The following ZNF280C variants were observed in gnomAD, a reference collection of about 807,000 sequenced individuals.
The protein encoded by ZNF280C is zinc finger protein 280C.
A neutral mutation model predicts 53.6 loss-of-function variants in ZNF280C; 14 were observed. The observed-to-expected ratio is 0.26, with a 90% CI of 0.17 to 0.41. ZNF280C has a LOEUF of 0.41. ZNF280C is among the 10% of genes least tolerant of loss of function. The pLI is 1.00. For missense variants in ZNF280C, 416 were observed against 547.1 expected (o/e 0.76, Z 2.39); for synonymous variants, 203 against 181.1 (o/e 1.12, Z -0.97).
chrX:130,268,492 G>GCCGCGGCCCGCGAAA (rs34755187), intron 1 of ZNF280C, among the ~76,000 whole-genome samples: 1 of 111,931 alleles, frequency 8.9e-6, no homozygotes, highest in Non-Finnish European at 1.9e-5. Flanking sequence ...TGCCGCAGCT[G>GCCGCGGCCCGCGAAA]CCGCGGCCCG....
At chrX:130,262,683 G>A (rs1385926091) in intron 1 of ZNF280C, among the ~76,000 whole-genome samples, 2 of 111,383 alleles carry the variant, frequency 1.8e-5, no homozygotes, top group African/African-American at 6.5e-5. Flanking sequence ...GGCACAAGAG[G>A]AAAGAACACC....
chrX:130,206,363 T>TG (rs1482139962), intron 16 of ZNF280C, among the ~76,000 whole-genome samples: 2 of 91,516 alleles, frequency 2.2e-5, no homozygotes, highest in East Asian at 6.8e-4. Flanking sequence ...CTTCTTTAGT[T>TG]TTTTTTTTTT....
Position 130,243,625 on chromosome X carries a change from T to C in ZNF280C, c.319A>G (p.Arg107Gly), listed in dbSNP as rs1234070340. The stretch of plus-strand genomic sequence containing the variant: ...GAAGATTTAGATACAAGATGAAATC[T>C]AGGCGAGGCAGCCACTGGATTTGAT... ...PPSNPVAASP[R>G]FHLVSKSSQS... The change falls in exon 5 of 19, where the codon AGA (arginine) becomes GGA (glycine). Residue 107 changes from arginine to glycine, a missense_variant. By Grantham distance (125) the Arg-to-Gly change is moderately radical (BLOSUM62 -2). Coordinates refer to ENST00000370978, the MANE Select transcript of ZNF280C (RefSeq NM_017666.5). 3 of 1,210,933 alleles carry C rather than the reference T, an allele frequency of 2.5e-6. No individual in the cohort carries two copies. Among genetic ancestry groups the C allele is most frequent in the Non-Finnish European group, 3.4e-6 (3 of 894,546 alleles).
At chrX:130,206,361 G>GTTTTTTTTTTTTTT (rs1048503644) in intron 16 of ZNF280C, among the ~76,000 whole-genome samples, 2 of 73,484 alleles carry the variant, frequency 2.7e-5, no homozygotes, top group Non-Finnish European at 2.5e-5. Flanking sequence ...GACTTCTTTA[G>GTTTTTTTTTTTTTT]TTTTTTTTTT....
rs2032087638 is a variant in ZNF280C at position 130,215,312 on chromosome X, C to T, written c.1860G>A (p.Lys620=). 1.7e-6 allele frequency: 2 copies of T among 1,196,980 alleles called. No homozygotes were observed. The highest frequency in any genetic ancestry group is 2.3e-6 in the Non-Finnish European group (2 of 888,818). Residue 620 remains lysine (K), a synonymous_variant, in exon 15 of 19, where the codon AAG becomes AAA. Coordinates refer to ENST00000370978, the MANE Select transcript of ZNF280C (RefSeq NM_017666.5). ...TTATTTTGGAATGACATTCAATGCA[C>T]TTGTGAATTCCCCGACGACACCTTA... The part of the protein sequence containing the change: ...KNIRCRRGIH[K]CIECHSKIKD...
intron 4 of ZNF280C, 31 bp from the exon 5 acceptor site, chrX:130,243,730 T>C: frequency 1.7e-6 from 2 of 1,176,119 alleles, no homozygotes; most frequent in South Asian, 1.9e-5. Context: ...ACATATTGAA[T>C]ATATTTCTAT....
At chrX:130,231,386 A>G (rs1022803346) in intron 8 of ZNF280C, among the ~76,000 whole-genome samples, 2 of 112,498 alleles carry the variant, frequency 1.8e-5, no homozygotes, top group African/African-American at 6.5e-5. Flanking sequence ...GCCATAAAAA[A>G]GAATGAAATA....
intron 16 of ZNF280C, among the ~76,000 whole-genome samples, chrX:130,206,352 ACTT>A (rs72282598): frequency 0.016 from 1,629 of 104,598 alleles, 40 homozygotes; most frequent in African/African-American, 0.054. Flanking sequence ...CCTTGGATTG[ACTT>A]CTTTAGTTTT....
chrX:130,266,772 C>G (rs1418339220), intron 1 of ZNF280C, among the ~76,000 whole-genome samples: 1 of 111,357 alleles, frequency 9.0e-6, no homozygotes, highest in Non-Finnish European at 1.9e-5. Flanking sequence ...GTACAGAGCA[C>G]TGGGAAAAAA....
intron 12 of ZNF280C, among the ~76,000 whole-genome samples, chrX:130,224,582 T>G (rs1383891608): frequency 9.0e-6 from 1 of 111,531 alleles, no homozygotes; most frequent in Non-Finnish European, 1.9e-5. Context: ...CTGGATAGCT[T>G]CTAGAGGATT....
chrX:130,267,733 C>G (rs2032705131), intron 1 of ZNF280C, among the ~76,000 whole-genome samples: 1 of 111,969 alleles, frequency 8.9e-6, no homozygotes, highest in Non-Finnish European at 1.9e-5. Context: ...AACCCCCAAA[C>G]CAGGACACCT....
intron 2 of ZNF280C, among the ~76,000 whole-genome samples, chrX:130,249,576 T>C (rs2032486248): frequency 9.0e-6 from 1 of 111,709 alleles, no homozygotes; most frequent in African/African-American, 3.3e-5. Flanking sequence ...CCCTAAAATC[T>C]TCTAGAAATG....
intron 10 of ZNF280C, 59 bp from the exon 11 acceptor site, chrX:130,227,841 T>C: frequency 1.6e-6 from 1 of 629,572 alleles, no homozygotes; most frequent in Non-Finnish European, 2.6e-6. Context: ...AAAGATTCAT[T>C]TTGTACATCC....
chrX:130,254,130 T>C (rs948267654), intron 2 of ZNF280C, among the ~76,000 whole-genome samples: 1 of 111,960 alleles, frequency 8.9e-6, no homozygotes, highest in Non-Finnish European at 1.9e-5. Flanking sequence ...GAAGAAGACA[T>C]ACATGCAGGC....
At position 130,204,109 on chromosome X, in the gene ZNF280C, ACCTTGG is replaced by A. The variant is rs1210569978; in HGVS notation, c.*862_*867del. On this transcript the variant is annotated 3_prime_UTR_variant, in exon 19 of 19. Coordinates refer to ENST00000370978, the MANE Select transcript of ZNF280C (RefSeq NM_017666.5). ...TTCTTTATCCAAGAACAAGAAAGTA[ACCTTGG>A]TTCCCATACAATCAGAATTTTGATA... is the stretch of plus-strand genomic sequence containing the variant. 2 of 109,152 alleles carry A rather than the reference ACCTTGG, an allele frequency of 1.8e-5. No individual in the cohort carries two copies. The highest frequency in any genetic ancestry group is 3.8e-5 in the Non-Finnish European group (2 of 52,293). The allele number at this position is 109,152 out of a possible 1,213,427, so 9.0% of individuals were successfully genotyped here. A position where few individuals can be genotyped will look rare whatever the true frequency, so the allele number is the denominator to read the frequency against.
rs2124698929 is a variant in ZNF280C, at chrX:130,216,237, A to G, written c.1528-136T>C. The G allele has an allele frequency of 7.9e-6, 4 of 505,754 alleles. No homozygotes were observed. In the East Asian group the frequency reaches 1.4e-4, roughly 18 times the overall value. The allele number at this position is 505,754 out of a possible 1,213,427, so 41.7% of individuals were successfully genotyped here. A position where few individuals can be genotyped will look rare whatever the true frequency, so the allele number is the denominator to read the frequency against. On this transcript the variant is annotated intron_variant, in intron 13 of 18. Transcript: ENST00000370978. ...CAAAACATTTCCAATGGGGCAAAAA[A>G]TAGTCTTGATGAATGCTGCTACAAA... is the stretch of plus-strand genomic sequence containing the variant.
intron 2 of ZNF280C, among the ~76,000 whole-genome samples, chrX:130,247,633 A>C (rs1020404774): frequency 8.9e-6 from 1 of 112,235 alleles, no homozygotes; most frequent in Non-Finnish European, 1.9e-5. Flanking sequence ...AATACATTTT[A>C]GGATCAAATC....
chrX:130,253,742 C>T (rs1255821508), intron 2 of ZNF280C, among the ~76,000 whole-genome samples: 1 of 111,964 alleles, frequency 8.9e-6, no homozygotes, highest in Non-Finnish European at 1.9e-5. Flanking sequence ...CTTCCTTACA[C>T]CATACACAAA....
chrX:130,212,120 G>C (rs1286505475), intron 15 of ZNF280C, among the ~76,000 whole-genome samples: 2 of 111,533 alleles, frequency 1.8e-5, no homozygotes, highest in African/African-American at 6.5e-5. Flanking sequence ...GGCAGATCAA[G>C]AGAACTCCAT....
Sources: allele counts gnomAD v4.1 joint callset (sites outside exome capture counted in the v4.1 genomes callset), GRCh38; gene constraint gnomAD v4.1.1; transcripts MANE v1.5; gene names NCBI Gene and HGNC (gene_info 2026-07-23, HGNC 2026-07-21).